MAGI2: variants seen among roughly 807,000 people sequenced by gnomAD.
The protein encoded by MAGI2 is membrane-associated guanylate kinase, WW and PDZ domain-containing protein 2.
MAGI2 carries 35 observed loss-of-function variants against 133.3 expected under a neutral mutation model. That is an observed-to-expected ratio of 0.26 (90% CI 0.20 to 0.35). The LOEUF is 0.35. MAGI2 is among the 10% of genes least tolerant of loss of function. The pLI, the probability that MAGI2 is intolerant of heterozygous loss-of-function variation, is 1.00. For synonymous variants in MAGI2, 729 were observed against 710.6 expected (o/e 1.03, Z -0.41); for missense variants, 1,636 against 1,863.4 (o/e 0.88, Z 2.25).
At chr7:79,176,413 A>G (rs1441853167) in intron 1 of MAGI2, among the ~76,000 whole-genome samples, 1 of 152,046 alleles carries the variant, frequency 6.6e-6, no homozygotes, top group Non-Finnish European at 1.5e-5. Flanking sequence ...TTCCCTCTGC[A>G]CAGTATTTCT....
chr7:78,968,069 G>T (rs1047235227), intron 2 of MAGI2, among the ~76,000 whole-genome samples: 2 of 152,112 alleles, frequency 1.3e-5, no homozygotes, highest in African/African-American at 4.8e-5. Flanking sequence ...GAGCTCAAGT[G>T]ATCCTCCTGC....
chr7:78,243,903 T>G (rs910848401), intron 10 of MAGI2, among the ~76,000 whole-genome samples: 1 of 151,752 alleles, frequency 6.6e-6, no homozygotes, highest in Non-Finnish European at 1.5e-5. Context: ...TTGAGCAAAG[T>G]GTAATTATTC....
intron 6 of MAGI2, among the ~76,000 whole-genome samples, chr7:78,478,681 G>A (rs577581424): frequency 1.3e-5 from 2 of 151,946 alleles, no homozygotes; most frequent in South Asian, 4.1e-4. Flanking sequence ...AAATACCCTG[G>A]AAACAATTCA....
intron 20 of MAGI2, among the ~76,000 whole-genome samples, chr7:78,091,835 T>C (rs1408722209): frequency 1.3e-5 from 2 of 152,254 alleles, no homozygotes; most frequent in Non-Finnish European, 2.9e-5. Context: ...TATGATGTAT[T>C]GTTAACCTTT....
intron 21 of MAGI2, among the ~76,000 whole-genome samples, chr7:78,076,329 T>C (rs1815284992): frequency 6.6e-6 from 1 of 151,842 alleles, no homozygotes; most frequent in Non-Finnish European, 1.5e-5. Context: ...ATTGGTGGCT[T>C]GCACCTGTAG....
At chr7:78,193,804 A>T (rs960497906) in intron 12 of MAGI2, among the ~76,000 whole-genome samples, 1 of 151,966 alleles carries the variant, frequency 6.6e-6, no homozygotes, top group Non-Finnish European at 1.5e-5. Flanking sequence ...TTTTGACATT[A>T]ATGATTTCTC....
chr7:78,343,212 C>T (rs1790573138), intron 9 of MAGI2, among the ~76,000 whole-genome samples: 1 of 151,994 alleles, frequency 6.6e-6, no homozygotes, highest in Non-Finnish European at 1.5e-5. Context: ...TGTATTTCCA[C>T]AAGAAATAAA....
intron 4 of MAGI2, among the ~76,000 whole-genome samples, chr7:78,513,958 C>A (rs1162070816): frequency 6.6e-6 from 1 of 151,838 alleles, no homozygotes; most frequent in African/African-American, 2.4e-5. Context: ...CATGGTGGCA[C>A]ATGCCTGTAA....
At position 78,160,165 on chromosome 7, in the gene MAGI2, C is replaced by A. The variant is rs752866642; in HGVS notation, c.2705G>T (p.Ser902Ile). 41 of 1,612,720 alleles carry A rather than the reference C, an allele frequency of 2.5e-5. No homozygotes were observed. The South Asian group carries it at 4.4e-4, about 17-fold the overall frequency. ...GCCTTCAGGGGGAGAGGCATTGCTA[C>A]TGGGGGCAGCGTGGTTGCTGTTGGT... is the stretch of plus-strand genomic sequence containing the variant. ...TYTNSNHAAP[S>I]SNASPPEGFA... The change falls in exon 16 of 22, where the codon AGT becomes ATT. Residue 902 changes from serine to isoleucine, a missense_variant. Physicochemically the swap from Ser to Ile is moderately radical, Grantham distance 142. Around this residue, in one of 5 missense-constraint regions of MAGI2, gnomAD observed 920 missense variants for 1,093.5 expected, o/e 0.84. Transcript: ENST00000354212.
intron 2 of MAGI2, among the ~76,000 whole-genome samples, chr7:78,822,250 T>C (rs1790189630): frequency 6.6e-6 from 1 of 152,048 alleles, no homozygotes; most frequent in Non-Finnish European, 1.5e-5. Context: ...CAGAAGCACT[T>C]ATTTTAATAA....
At chr7:78,668,359 T>C (rs1315154441) in intron 2 of MAGI2, among the ~76,000 whole-genome samples, 3 of 151,232 alleles carry the variant, frequency 2.0e-5, no homozygotes, top group Non-Finnish European at 2.9e-5. Flanking sequence ...TTCACTCTGA[T>C]GGTAGTTTCT....
chr7:78,388,330 C>T (rs1210365326), intron 6 of MAGI2, among the ~76,000 whole-genome samples: 2 of 151,830 alleles, frequency 1.3e-5, no homozygotes, highest in Non-Finnish European at 2.9e-5. Context: ...TGGTAGTAAC[C>T]ATAATAGCAG....
chr7:78,786,834 T>C (rs183365731), intron 2 of MAGI2, among the ~76,000 whole-genome samples: 294 of 152,346 alleles, frequency 1.9e-3, no homozygotes, highest in African/African-American at 6.9e-3. Context: ...GGAAGCCTAA[T>C]GAGGCAGAGA....
At chr7:78,885,920 G>A (rs1045094345) in intron 2 of MAGI2, among the ~76,000 whole-genome samples, 1 of 152,110 alleles carries the variant, frequency 6.6e-6, no homozygotes, top group African/African-American at 2.4e-5. Context: ...AGAACAGACT[G>A]TGCCTGCTGA....
intron 6 of MAGI2, among the ~76,000 whole-genome samples, chr7:78,408,148 A>G (rs983676146): frequency 1.3e-5 from 2 of 151,988 alleles, no homozygotes; most frequent in African/African-American, 4.8e-5. Context: ...TATTATATTT[A>G]TTAAAAATAT....
intron 1 of MAGI2, among the ~76,000 whole-genome samples, chr7:79,402,434 CATG>C (rs1845532746): frequency 6.6e-6 from 1 of 152,106 alleles, no homozygotes; most frequent in Non-Finnish European, 1.5e-5. Context: ...AAATAGCTTA[CATG>C]ATATCTGATT....
chr7:78,495,354 C>G (rs957304026), intron 5 of MAGI2, among the ~76,000 whole-genome samples: 1 of 152,048 alleles, frequency 6.6e-6, no homozygotes, highest in African/African-American at 2.4e-5. Flanking sequence ...TGAGTGAGAA[C>G]ATGCGGTGTT....
chr7:78,267,098 T>G (rs1794097153), intron 9 of MAGI2, among the ~76,000 whole-genome samples: 1 of 152,272 alleles, frequency 6.6e-6, no homozygotes, highest in Middle Eastern at 3.4e-3. Context: ...GTGTTCTGAC[T>G]AGTGCTTCAA....
At chr7:78,307,982 A>G (rs1167917256) in intron 9 of MAGI2, among the ~76,000 whole-genome samples, 1 of 152,126 alleles carries the variant, frequency 6.6e-6, no homozygotes, top group Non-Finnish European at 1.5e-5. Flanking sequence ...AGATTTTGAG[A>G]GGCATTGGAT....
Sources: gnomAD v4.1 joint callset for allele counts (sites outside exome capture counted in the v4.1 genomes callset) on GRCh38, gnomAD v4.1.1 for gene constraint, gnomAD v4.1.1 regional missense constraint, MANE v1.5 for transcripts, NCBI Gene and HGNC (gene_info 2026-07-23, HGNC 2026-07-21) for gene names.